WWOX: variants seen among roughly 807,000 people sequenced by gnomAD.
WWOX encodes the protein WW domain containing oxidoreductase, also known as WW domain-containing oxidoreductase.
A neutral mutation model predicts 46.2 loss-of-function variants in WWOX; 69 were observed. The ratio of observed to expected loss-of-function variants is 1.49; its 90% confidence interval spans 1.23 to 1.82. The LOEUF is 1.82. Among genes scored for constraint, WWOX ranks in the 40% most tolerant of loss-of-function variants. WWOX has a pLI of 0.00. For synonymous variants in WWOX, 359 were observed against 202.6 expected (o/e 1.77, Z -6.56); for missense variants, 919 against 542.6 (o/e 1.69, Z -6.89).
chr16:78,515,218 T>C (rs775069566), intron 8 of WWOX, among the ~76,000 whole-genome samples: 2 of 152,320 alleles, frequency 1.3e-5, no homozygotes, highest in African/African-American at 4.8e-5. Flanking sequence ...AGCGAGACCC[T>C]GTCTCAGAAA....
intron 5 of WWOX, among the ~76,000 whole-genome samples, chr16:78,242,229 T>C (rs1015702627): frequency 6.6e-6 from 1 of 152,222 alleles, no homozygotes; most frequent in African/African-American, 2.4e-5. Flanking sequence ...CTGTATTTTA[T>C]TAGACATAAT....
chr16:78,939,195 A>G (rs186629862), intron 8 of WWOX, among the ~76,000 whole-genome samples: 212 of 152,232 alleles, frequency 1.4e-3, no homozygotes, highest in South Asian at 2.9e-3. Flanking sequence ...ATAATCATCA[A>G]CGTATATTCA....
At chr16:78,266,228 C>T (rs1597422515) in intron 5 of WWOX, among the ~76,000 whole-genome samples, 1 of 152,278 alleles carries the variant, frequency 6.6e-6, no homozygotes, top group Non-Finnish European at 1.5e-5. Flanking sequence ...TGTTTTATTA[C>T]ATGTAAAAAT....
intron 5 of WWOX, among the ~76,000 whole-genome samples, chr16:78,184,304 C>A (rs1045064074): frequency 6.7e-6 from 1 of 148,796 alleles, no homozygotes; most frequent in Non-Finnish European, 1.5e-5. Context: ...ATGGGGTGGG[C>A]TGGGGTAGGC....
At chr16:78,406,303 A>AATATATAT (rs532594425) in intron 6 of WWOX, among the ~76,000 whole-genome samples, 115 of 57,784 alleles carry the variant, frequency 2.0e-3, no homozygotes, top group Non-Finnish European at 3.6e-3. Flanking sequence ...TATAAATATA[A>AATATATAT]ATATATATAT....
chr16:78,130,485 A>G (rs971161602), intron 4 of WWOX, among the ~76,000 whole-genome samples: 1 of 152,152 alleles, frequency 6.6e-6, no homozygotes, highest in Admixed American at 6.5e-5. Flanking sequence ...TCGGTCCATG[A>G]TATTTTGTTG....
intron 5 of WWOX, among the ~76,000 whole-genome samples, chr16:78,382,952 C>G (rs919926407): frequency 2.0e-5 from 3 of 151,652 alleles, no homozygotes; most frequent in African/African-American, 7.3e-5. Context: ...TCTGGATAGG[C>G]CTTAGGAAAC....
chr16:78,941,132 T>G (rs2045843284), intron 8 of WWOX, among the ~76,000 whole-genome samples: 1 of 152,124 alleles, frequency 6.6e-6, no homozygotes, highest in South Asian at 2.1e-4. Flanking sequence ...GTTCTTGCAG[T>G]TAGATTAACA....
chr16:79,208,265 G>T (rs1159814201), intron 8 of WWOX, among the ~76,000 whole-genome samples: 1 of 152,110 alleles, frequency 6.6e-6, no homozygotes, highest in African/African-American at 2.4e-5. Context: ...GAAATTCTCA[G>T]TCCTGTGTCG....
At chr16:78,908,517 G>A (rs965807443) in intron 8 of WWOX, among the ~76,000 whole-genome samples, 2 of 145,142 alleles carry the variant, frequency 1.4e-5, no homozygotes, top group Admixed American at 1.4e-4. Context: ...TCCAGCCTGG[G>A]CGACAGACTG....
At chr16:78,431,735 A>C in intron 7 of WWOX, among the ~76,000 whole-genome samples, 1 of 148,106 alleles carries the variant, frequency 6.8e-6, no homozygotes. Flanking sequence ...TTACTTTTAG[A>C]TATGGGGGTC....
chr16:78,536,590 G>GT (rs1018047531), intron 8 of WWOX, among the ~76,000 whole-genome samples: 29 of 152,244 alleles, frequency 1.9e-4, no homozygotes, highest in Admixed American at 8.5e-4. Context: ...GGACAGTACT[G>GT]TTTGAGCCTC....
At chr16:78,963,931 C>T (rs1183873941) in intron 8 of WWOX, among the ~76,000 whole-genome samples, 1 of 152,146 alleles carries the variant, frequency 6.6e-6, no homozygotes, top group Non-Finnish European at 1.5e-5. Flanking sequence ...GAATAAGTTT[C>T]ATAAGATCCA....
At chr16:78,667,270 G>A (rs1340200548) in intron 8 of WWOX, among the ~76,000 whole-genome samples, 3 of 152,172 alleles carry the variant, frequency 2.0e-5, no homozygotes, top group Non-Finnish European at 2.9e-5. Context: ...AAGCAGAGCT[G>A]TAAGTCTCTT....
intron 8 of WWOX, among the ~76,000 whole-genome samples, chr16:79,151,257 C>CT (rs1300817635): frequency 2.0e-5 from 3 of 152,168 alleles, no homozygotes; most frequent in Non-Finnish European, 4.4e-5. Context: ...CGGTGGTTGA[C>CT]TTTTCACTGC....
intron 5 of WWOX, among the ~76,000 whole-genome samples, chr16:78,197,041 A>C (rs958711905): frequency 9.2e-5 from 14 of 152,206 alleles, no homozygotes; most frequent in African/African-American, 2.4e-4. Flanking sequence ...CATTGCAAAT[A>C]ATAGCAGTTA....
At chr16:79,020,546 A>G (rs866423163) in intron 8 of WWOX, among the ~76,000 whole-genome samples, 1 of 152,216 alleles carries the variant, frequency 6.6e-6, no homozygotes, top group South Asian at 2.1e-4. Context: ...AGCACATACA[A>G]CACAATCTAT....
At chr16:79,104,569 T>C (rs978585586) in intron 8 of WWOX, among the ~76,000 whole-genome samples, 8 of 152,326 alleles carry the variant, frequency 5.3e-5, no homozygotes, top group South Asian at 4.1e-4. Flanking sequence ...CGGTTAAGTA[T>C]TGATACAAAA....
intron 8 of WWOX, among the ~76,000 whole-genome samples, chr16:78,968,179 G>A (rs35368632): frequency 0.83 from 124,846 of 150,022 alleles, 51,879 homozygotes; most frequent in Non-Finnish European, 0.87. Flanking sequence ...CGTGGTCTGC[G>A]TGGCACAGTG....
Sources: allele counts gnomAD v4.1 joint callset (sites outside exome capture counted in the v4.1 genomes callset), GRCh38; gene constraint gnomAD v4.1.1; transcripts MANE v1.5; gene names NCBI Gene and HGNC (gene_info 2026-07-23, HGNC 2026-07-21).